Variants in SPECC1 observed in about 807,000 individuals in gnomAD.
The protein encoded by SPECC1 is cytospin-B.
In SPECC1, 62 loss-of-function variants were observed where a neutral mutation model predicts 104.1. The ratio of observed to expected loss-of-function variants is 0.60; its 90% CI spans 0.49 to 0.74. The LOEUF (loss-of-function observed/expected upper bound fraction) is 0.74, where lower values mean the gene tolerates loss of function less well. SPECC1 is among the 30% of genes least tolerant of loss of function. The pLI is 0.00. For synonymous variants in SPECC1, 513 were observed against 501.6 expected (o/e 1.02, Z -0.30); for missense variants, 1,306 against 1,310.5 (o/e 1.00, Z 0.05).
At chr17:20,307,259 T>C (rs530381382) in intron 14 of SPECC1, among the ~76,000 whole-genome samples, 1 of 152,366 alleles carries the variant, frequency 6.6e-6, no homozygotes, top group Admixed American at 6.5e-5. Flanking sequence ...ATAAAAATGT[T>C]AATTTTCTTA....
intron 7 of SPECC1, chr17:20,239,523 A>G (rs916371894): frequency 1.2e-5 from 2 of 160,950 alleles, no homozygotes; most frequent in East Asian, 3.1e-4. Context: ...GACCTTCCAT[A>G]GGAAGGATAT....
At chr17:20,068,765 C>T (rs889242627) in intron 1 of SPECC1, among the ~76,000 whole-genome samples, 2 of 152,170 alleles carry the variant, frequency 1.3e-5, no homozygotes, top group Non-Finnish European at 2.9e-5. Context: ...CTTCTTTTCA[C>T]GTGCTTGTTG....
chr17:20,062,065 C>A (rs1416585143), intron 1 of SPECC1, among the ~76,000 whole-genome samples: 3 of 151,840 alleles, frequency 2.0e-5, no homozygotes, highest in East Asian at 3.9e-4. Context: ...TCCTGGCTAG[C>A]ACGGTGAAAC....
At position 20,316,946 on chromosome 17, in the gene SPECC1, TC is replaced by T; in HGVS notation, c.*2886del. The T allele has an allele frequency of 4.6e-6, 1 of 215,708 alleles. No individual in the cohort carries two copies. Among genetic ancestry groups the T allele is most frequent in the Non-Finnish European group, 9.3e-6 (1 of 107,062 alleles). The allele number at this position is 215,708 out of a possible 1,614,324, so 13.4% of individuals were successfully genotyped here. ...AAGTTGCCAATGACTGTGGCCAAAC[TC>T]CCCCATTTTTGTCTGTATCCTGCTC... On this transcript the variant is annotated 3_prime_UTR_variant, in exon 15 of 15. Transcript: ENST00000395527.
chr17:20,102,729 C>G (rs753054251), intron 2 of SPECC1, among the ~76,000 whole-genome samples: 2 of 152,174 alleles, frequency 1.3e-5, no homozygotes, highest in Non-Finnish European at 2.9e-5. Flanking sequence ...CTATTGTACT[C>G]TCTGGAATCC....
chr17:20,185,847 A>T (rs1023710701), intron 3 of SPECC1, among the ~76,000 whole-genome samples: 23 of 151,664 alleles, frequency 1.5e-4, no homozygotes, highest in African/African-American at 4.1e-4. Context: ...TTATTTATTT[A>T]TTTTTTTTGA....
At chr17:20,051,068 T>TTTTCTTCC (rs2045727201) in intron 1 of SPECC1, among the ~76,000 whole-genome samples, 20 of 90,696 alleles carry the variant, frequency 2.2e-4, no homozygotes, top group African/African-American at 7.7e-4. Context: ...CTTTCTTTCT[T>TTTTCTTCC]TTTCTTTCTT....
At chr17:20,193,811 G>A (rs2035826640) in intron 3 of SPECC1, among the ~76,000 whole-genome samples, 1 of 152,128 alleles carries the variant, frequency 6.6e-6, no homozygotes, top group African/African-American at 2.4e-5. Context: ...GCTGATATAG[G>A]GTTGTTAGCT....
At position 20,159,836 on chromosome 17, in the gene SPECC1, C is replaced by T. The variant is rs140931360; in HGVS notation, c.284-44497C>T. ...TCAGTTTCCAACCAGGTTGTCATCA[C>T]CTCATTGTCAGGGCTGCTGGGCATG... On this transcript the variant is annotated intron_variant, in intron 3 of 14. Coordinates refer to ENST00000395527, the MANE Select transcript of SPECC1 (RefSeq NM_001243439.2). 6.8e-3 allele frequency among the ~76,000 whole-genome samples: 1,030 copies of T among 152,270 alleles called. 11 individuals are homozygous for T. The highest frequency in any genetic ancestry group is 0.024 in the African/African-American group (981 of 41,558).
intron 1 of SPECC1, among the ~76,000 whole-genome samples, chr17:20,071,010 G>C (rs753522973): frequency 2.6e-5 from 4 of 151,756 alleles, no homozygotes; most frequent in Non-Finnish European, 4.4e-5. Flanking sequence ...CCAGGTTGAC[G>C]TGTGGTCTTT....
chr17:20,091,577 T>C lies in SPECC1; in HGVS notation c.-21-5054T>C, dbSNP rs747423278. Among the ~76,000 whole-genome samples, 6 of 152,298 alleles carry C rather than the reference T, an allele frequency of 3.9e-5. No homozygotes were observed. In the South Asian group the frequency reaches 1.0e-3, roughly 26 times the overall value. On this transcript the variant is annotated intron_variant, in intron 1 of 14. Coordinates refer to ENST00000395527, the MANE Select transcript of SPECC1 (RefSeq NM_001243439.2). The stretch of plus-strand genomic sequence containing the variant: ...GCCTCTGCACATTGCCACGTGCCCA[T>C]TGGGCTTAGAACTACTACTGTAGAA...
In SPECC1 at chr17:20,116,914, GTC is replaced by G. The variant is rs2048791476; in HGVS notation, c.283+6353_283+6354del. Among the ~76,000 whole-genome samples the G allele has an allele frequency of 4.1e-5, 6 of 146,434 alleles. No individual in the cohort carries two copies. In the Admixed American group the frequency reaches 4.2e-4, roughly 10 times the overall value. On this transcript the variant is annotated intron_variant, in intron 3 of 14. Transcript: ENST00000395527. ...TAAACATCCTAGGATGCGCAGGACCGTCCCTGCAGTGGAGAGTGTCCTGCCCA... is the reference window on the plus strand; with the variant it reads ...TAAACATCCTAGGATGCGCAGGACCGCCTGCAGTGGAGAGTGTCCTGCCCA...
At chr17:20,028,753 A>G (rs957786338) in intron 1 of SPECC1, among the ~76,000 whole-genome samples, 1 of 143,866 alleles carries the variant, frequency 7.0e-6, no homozygotes, top group African/African-American at 2.6e-5. Context: ...CAGTGAAGTC[A>G]TCTGGGATTT....
At chr17:20,149,417 T>A (rs1294913323) in intron 3 of SPECC1, among the ~76,000 whole-genome samples, 1 of 152,196 alleles carries the variant, frequency 6.6e-6, no homozygotes, top group African/African-American at 2.4e-5. Context: ...CACTGTAGTT[T>A]ATGCTGAACT....
chr17:20,106,062 G>C (rs536551193), intron 2 of SPECC1, among the ~76,000 whole-genome samples: 2 of 152,212 alleles, frequency 1.3e-5, no homozygotes, highest in Admixed American at 6.5e-5. Flanking sequence ...CAGAGAATCA[G>C]ATAGGGGAAA....
intron 4 of SPECC1, among the ~76,000 whole-genome samples, chr17:20,217,018 A>G (rs2037535184): frequency 6.6e-6 from 1 of 152,080 alleles, no homozygotes; most frequent in Admixed American, 6.5e-5. Context: ...CTCAAGGGAA[A>G]TGCAAAGGAG....
At chr17:20,241,209 A>G (rs932297184) in intron 7 of SPECC1, among the ~76,000 whole-genome samples, 1 of 152,122 alleles carries the variant, frequency 6.6e-6, no homozygotes, top group Admixed American at 6.5e-5. Context: ...ACCTGTACCC[A>G]GTTTCTTCTC....
chr17:20,286,309 C>T (rs147768302), intron 12 of SPECC1, among the ~76,000 whole-genome samples: 186 of 152,310 alleles, frequency 1.2e-3, no homozygotes, highest in African/African-American at 4.2e-3. Context: ...TAACAGCCTA[C>T]AGAATGCCTG....
intron 1 of SPECC1, among the ~76,000 whole-genome samples, chr17:20,082,854 AGAGT>A (rs1236441582): frequency 5.3e-5 from 8 of 152,036 alleles, no homozygotes; most frequent in Non-Finnish European, 1.5e-5. Flanking sequence ...GCCCATGACT[AGAGT>A]CTCAGTGAGA....
Sources: allele counts gnomAD v4.1 joint callset (sites outside exome capture counted in the v4.1 genomes callset), GRCh38; gene constraint gnomAD v4.1.1; transcripts MANE v1.5; gene names NCBI Gene and HGNC (gene_info 2026-07-23, HGNC 2026-07-21).